The following OCA2 variants were observed in gnomAD, a reference collection of about 807,000 sequenced individuals.
The protein encoded by OCA2 is OCA2 melanosomal transmembrane protein, also known as P protein.
OCA2 carries 77 observed loss-of-function variants against 100.2 expected under a neutral mutation model. The observed-to-expected ratio is 0.77, with a 90% confidence interval of 0.64 to 0.93. The LOEUF (loss-of-function observed/expected upper bound fraction) is 0.93. OCA2 is among the 40% of genes least tolerant of loss of function. OCA2 has a pLI of 0.00. For synonymous variants in OCA2, 432 were observed against 439.2 expected, an observed-to-expected ratio of 0.98 and a Z score of 0.21; for missense variants, 1,062 against 1,089.1, an observed-to-expected ratio of 0.98 and a Z score of 0.35.
chr15:27,789,741 A>G (rs1283314926), intron 23 of OCA2, among the ~76,000 whole-genome samples: 5 of 152,248 alleles, frequency 3.3e-5, no homozygotes, highest in Admixed American at 6.5e-5. Context: ...ATGAAAAATT[A>G]TAGTCTTTTC....
intron 23 of OCA2, among the ~76,000 whole-genome samples, chr15:27,820,137 A>C (rs1470698711): frequency 6.6e-6 from 1 of 152,176 alleles, no homozygotes; most frequent in Admixed American, 6.5e-5. Flanking sequence ...AACTGATATA[A>C]ATGAATGACT....
intron 19 of OCA2, among the ~76,000 whole-genome samples, chr15:27,908,112 T>C (rs2038246643): frequency 6.6e-6 from 1 of 152,092 alleles, no homozygotes; most frequent in Non-Finnish European, 1.5e-5. Context: ...GAATTACTAA[T>C]AAATATCAAT....
At chr15:27,906,699 C>T (rs2038191552) in intron 19 of OCA2, among the ~76,000 whole-genome samples, 1 of 151,524 alleles carries the variant, frequency 6.6e-6, no homozygotes, top group African/African-American at 2.4e-5. Context: ...AAGATATAAA[C>T]AAAACGACAA....
At chr15:28,007,938 AAGTC>A (rs1238999516) in intron 9 of OCA2, among the ~76,000 whole-genome samples, 1 of 152,204 alleles carries the variant, frequency 6.6e-6, no homozygotes, top group Non-Finnish European at 1.5e-5. Flanking sequence ...ACTGGGCACA[AAGTC>A]AGGGGTGGAA....
intron 23 of OCA2, among the ~76,000 whole-genome samples, chr15:27,787,520 ATTTG>A (rs1180532915): frequency 2.6e-5 from 4 of 151,940 alleles, no homozygotes; most frequent in Non-Finnish European, 5.9e-5. Flanking sequence ...AAGTTGTCTT[ATTTG>A]TTAGCGTAAC....
chr15:27,872,960 G>C (rs945137181), intron 19 of OCA2, among the ~76,000 whole-genome samples: 10 of 152,202 alleles, frequency 6.6e-5, no homozygotes, highest in Non-Finnish European at 2.9e-5. Flanking sequence ...AAAGTGCTGG[G>C]ATTACAGGCG....
At chr15:27,819,763 C>G (rs1403683358) in intron 23 of OCA2, among the ~76,000 whole-genome samples, 1 of 152,044 alleles carries the variant, frequency 6.6e-6, no homozygotes, top group Non-Finnish European at 1.5e-5. Context: ...TATTTCTGTG[C>G]TCTATCAATC....
chr15:28,010,005 GA>G, intron 9 of OCA2, among the ~76,000 whole-genome samples: 1 of 152,080 alleles, frequency 6.6e-6, no homozygotes, highest in South Asian at 2.1e-4. Flanking sequence ...GCTCACATTA[GA>G]AAGGAAGGAT....
chr15:27,969,808 C>T (rs1055767316), intron 14 of OCA2, among the ~76,000 whole-genome samples: 6 of 151,750 alleles, frequency 4.0e-5, no homozygotes, highest in African/African-American at 1.5e-4. Context: ...AGGAATGACG[C>T]TTCAGGCTAG....
At chr15:27,838,705 C>A (rs2035241385) in intron 23 of OCA2, among the ~76,000 whole-genome samples, 1 of 152,220 alleles carries the variant, frequency 6.6e-6, no homozygotes, top group African/African-American at 2.4e-5. Context: ...ACATCCCACA[C>A]ACACATACAG....
chr15:28,083,636 A>C (rs996928489), intron 1 of OCA2, among the ~76,000 whole-genome samples: 9 of 152,244 alleles, frequency 5.9e-5, no homozygotes, highest in African/African-American at 1.9e-4. Flanking sequence ...ATGTGGCATG[A>C]TATAAAGATG....
At chr15:28,053,920 G>A (rs1436523778) in intron 2 of OCA2, among the ~76,000 whole-genome samples, 4 of 150,264 alleles carry the variant, frequency 2.7e-5, no homozygotes, top group African/African-American at 5.0e-5. Flanking sequence ...AGCTGTCTCC[G>A]GATCCCCCAC....
intron 23 of OCA2, among the ~76,000 whole-genome samples, chr15:27,789,570 C>T (rs2032983063): frequency 6.6e-6 from 1 of 152,124 alleles, no homozygotes; most frequent in African/African-American, 2.4e-5. Flanking sequence ...CTCTCAAGTA[C>T]AGATGCAGCC....
Position 28,081,760 on chromosome 15 carries a change from G to C in OCA2, c.115C>G (p.Pro39Ala), listed in dbSNP as rs2044635287. The change falls in exon 2 of 24, where the codon CCT becomes GCT. Residue 39 changes from proline (P) to alanine (A), a missense_variant. Physicochemically the swap from Pro to Ala is conservative, Grantham distance 27 (BLOSUM62 -1). Transcript: ENST00000354638. ...GGGTCAGCTCCACCGGCTCCCCGAG[G>C]AAGCCTGCGCTTGCCGGCCACAAGT... ...AELVAGKRRL[P>A]RGAGGADPSH... is the part of the protein sequence containing the mutation. The C allele has an allele frequency of 6.2e-7, 1 of 1,613,292 alleles. No homozygotes were observed. Among genetic ancestry groups the C allele is most frequent in the African/African-American group, 1.3e-5 (1 of 74,940 alleles).
rs58906266 is a variant in OCA2, at chr15:27,761,186, GA to G, written c.2433-5715del. 7.7e-3 allele frequency among the ~76,000 whole-genome samples: 1,135 copies of G among 148,308 alleles called. 17 individuals carry two copies. The highest frequency in any genetic ancestry group is 0.027 in the African/African-American group (1,080 of 40,502). ...TTACATTAAAAAATCCTAAGAAATTGAAAAAAAAAGCAAAACAAAACATTTC... is the reference window on the plus strand; with the variant it reads ...TTACATTAAAAAATCCTAAGAAATTGAAAAAAAAGCAAAACAAAACATTTC... On this transcript the variant is annotated intron_variant, in intron 23 of 23. Coordinates refer to ENST00000354638, the MANE Select transcript of OCA2 (RefSeq NM_000275.3).
At chr15:28,061,019 A>C (rs1595893782) in intron 2 of OCA2, among the ~76,000 whole-genome samples, 1 of 152,258 alleles carries the variant, frequency 6.6e-6, no homozygotes, top group Non-Finnish European at 1.5e-5. Context: ...CTGAGGCAGC[A>C]ACAGCCACTG....
chr15:27,749,896 T>C (rs977192672), downstream of OCA2, among the ~76,000 whole-genome samples: 2 of 152,196 alleles, frequency 1.3e-5, no homozygotes, highest in African/African-American at 4.8e-5. Context: ...CATAGTAAAA[T>C]TGTCAATTCT....
intron 10 of OCA2, 74 bp downstream of exon 10, chr15:27,990,502 C>T: frequency 1.4e-6 from 2 of 1,466,158 alleles, no homozygotes; most frequent in Non-Finnish European, 1.9e-6. Context: ...CCAGCGAAAG[C>T]CTGAATCCTG....
At chr15:27,906,623 G>T (rs1213954199) in intron 19 of OCA2, among the ~76,000 whole-genome samples, 1 of 151,558 alleles carries the variant, frequency 6.6e-6, no homozygotes, top group Non-Finnish European at 1.5e-5. Flanking sequence ...AGATTTCAAG[G>T]AAGAAGATAA....
Sources: gnomAD v4.1 joint callset for allele counts (sites outside exome capture counted in the v4.1 genomes callset) on GRCh38, gnomAD v4.1.1 for gene constraint, MANE v1.5 for transcripts, NCBI Gene and HGNC (gene_info 2026-07-23, HGNC 2026-07-21) for gene names.